The following NEDD4 variants were observed in gnomAD, a reference collection of about 807,000 sequenced individuals.
NEDD4 encodes the protein E3 ubiquitin-protein ligase NEDD4.
NEDD4 carries 99 observed loss-of-function variants against 144.9 expected under a neutral mutation model. The observed-to-expected ratio is 0.68, with a 90% CI of 0.58 to 0.81. The LOEUF (loss-of-function observed/expected upper bound fraction) is 0.81. Among genes scored for constraint, NEDD4 ranks in the 30% least tolerant of loss-of-function variants. The probability of loss-of-function intolerance (pLI) is 0.00; values close to 1 mark genes in which losing one functional copy is unlikely to be tolerated. For missense variants in NEDD4, 985 were observed against 1,065.9 expected, an observed-to-expected ratio of 0.92 and a Z score of 1.06; for synonymous variants, 318 against 350.6, an observed-to-expected ratio of 0.91 and a Z score of 1.04.
chr15:55,929,379 G>A (rs556127835), intron 4 of NEDD4, among the ~76,000 whole-genome samples: 17 of 152,068 alleles, frequency 1.1e-4, no homozygotes, highest in South Asian at 4.1e-4. Context: ...GTACAAGTTG[G>A]TTCTATAGAT....
chr15:55,851,993 T>C (rs1459101359), intron 13 of NEDD4, among the ~76,000 whole-genome samples: 3 of 151,940 alleles, frequency 2.0e-5, no homozygotes, highest in Non-Finnish European at 4.4e-5. Flanking sequence ...TGTCAGAATA[T>C]AAATAATTAG....
At chr15:55,836,982 G>T (rs1018832749) in intron 24 of NEDD4, among the ~76,000 whole-genome samples, 8 of 152,132 alleles carry the variant, frequency 5.3e-5, no homozygotes, top group Admixed American at 1.3e-4. Context: ...ACAGAAGATT[G>T]TAAGTTAGCT....
intron 28 of NEDD4, 48 bp from the exon 29 acceptor site, chr15:55,830,047 G>A: frequency 7.6e-7 from 1 of 1,308,382 alleles, no homozygotes; most frequent in Non-Finnish European, 1.1e-6. Context: ...GACAAAGCAA[G>A]TACCACCACA....
At chr15:55,840,326 C>T (rs1319003521) in intron 21 of NEDD4, 121 bp downstream of exon 21, 4 of 898,068 alleles carry the variant, frequency 4.5e-6, no homozygotes, top group Non-Finnish European at 6.5e-6. Context: ...GGAAAAAGTT[C>T]ATTTGTATTT....
At chr15:55,845,798 C>CT (rs11449030) in intron 18 of NEDD4, among the ~76,000 whole-genome samples, 71,552 of 143,002 alleles carry the variant, frequency 0.5, 18,010 homozygotes, top group Non-Finnish European at 0.52. Flanking sequence ...TTTCTTTTTT[C>CT]TTTTTTTTTT....
chr15:55,906,591 T>C (rs531739729), intron 5 of NEDD4, among the ~76,000 whole-genome samples: 86 of 149,862 alleles, frequency 5.7e-4, no homozygotes, highest in African/African-American at 2.1e-3. Flanking sequence ...ATGAGAACAC[T>C]TGGACACAAG....
At chr15:55,953,448 GT>G (rs1315261141) in intron 2 of NEDD4, among the ~76,000 whole-genome samples, 47 of 141,144 alleles carry the variant, frequency 3.3e-4, no homozygotes, top group African/African-American at 7.5e-4. Flanking sequence ...CTTCTTTTTT[GT>G]TTTTTTTTTT....
intron 7 of NEDD4, among the ~76,000 whole-genome samples, chr15:55,870,790 C>A (rs2142061403): frequency 6.6e-6 from 1 of 152,208 alleles, no homozygotes; most frequent in South Asian, 2.1e-4. Context: ...CCACCTAAGC[C>A]TCCCAAAGTG....
intron 8 of NEDD4, among the ~76,000 whole-genome samples, 179 bp from the exon 9 acceptor site, chr15:55,863,258 C>T (rs1159585001): frequency 6.6e-6 from 1 of 152,064 alleles, no homozygotes; most frequent in Non-Finnish European, 1.5e-5. Flanking sequence ...ATAATGAAGA[C>T]TCTTTTTGCA....
At chr15:55,908,657 A>G (rs528813993) in intron 5 of NEDD4, among the ~76,000 whole-genome samples, 1 of 152,334 alleles carries the variant, frequency 6.6e-6, no homozygotes, top group South Asian at 2.1e-4. Flanking sequence ...TAAGATCGCC[A>G]TGTTATTTAC....
At chr15:55,856,660 C>T (rs1210215967) in intron 11 of NEDD4, among the ~76,000 whole-genome samples, 1 of 152,162 alleles carries the variant, frequency 6.6e-6, no homozygotes, top group African/African-American at 2.4e-5. Context: ...CCTTCTGGAG[C>T]TGAAGTCAAT....
At chr15:55,991,450 T>C (rs73420376) in intron 1 of NEDD4, among the ~76,000 whole-genome samples, 15,666 of 152,278 alleles carry the variant, frequency 0.1, 981 homozygotes, top group African/African-American at 0.17. Flanking sequence ...CTGTCTTTTT[T>C]CCCTCTCTAT....
chr15:55,924,088 T>C (rs1174611353), intron 5 of NEDD4, among the ~76,000 whole-genome samples: 1 of 152,226 alleles, frequency 6.6e-6, no homozygotes, highest in Non-Finnish European at 1.5e-5. Context: ...ACAATCATTT[T>C]ATAAAAAGAA....
rs2037801766 is a variant in NEDD4 at position 55,981,389 on chromosome 15, A to C, written c.45+12122T>G. Among the ~76,000 whole-genome samples the C allele has an allele frequency of 2.6e-5, 4 of 152,012 alleles. No homozygotes were observed. In the South Asian group the frequency reaches 8.3e-4, roughly 32 times the overall value. The stretch of plus-strand genomic sequence containing the variant: ...CTCCTTTTTTTTTCTTTTGAGCAAC[A>C]TGCTACATCACTTACGGTGACCGTA... On this transcript the variant is annotated intron_variant, in intron 1 of 28. Transcript: ENST00000435532.
intron 24 of NEDD4, among the ~76,000 whole-genome samples, chr15:55,837,179 C>T (rs532988337): frequency 6.6e-6 from 1 of 152,148 alleles, no homozygotes; most frequent in East Asian, 1.9e-4. Context: ...CTGGTAACCC[C>T]AGCACTTTGG....
intron 18 of NEDD4, among the ~76,000 whole-genome samples, chr15:55,842,741 A>T (rs1250183316): frequency 6.6e-6 from 1 of 152,190 alleles, no homozygotes; most frequent in Non-Finnish European, 1.5e-5. Context: ...AGTCCTTTTC[A>T]TATTAAGTTC....
At chr15:55,899,671 A>T (rs371247022) in intron 5 of NEDD4, among the ~76,000 whole-genome samples, 9 of 152,214 alleles carry the variant, frequency 5.9e-5, no homozygotes. Context: ...TCATTGTGAA[A>T]GTACAGGGGT....
At chr15:55,919,036 A>C (rs185381372) in intron 5 of NEDD4, among the ~76,000 whole-genome samples, 2 of 152,310 alleles carry the variant, frequency 1.3e-5, no homozygotes, top group East Asian at 3.9e-4. Context: ...TAACATATAA[A>C]ATAATGAACT....
chr15:55,976,860 C>T (rs2037709353), intron 1 of NEDD4, among the ~76,000 whole-genome samples: 1 of 152,078 alleles, frequency 6.6e-6, no homozygotes, highest in Non-Finnish European at 1.5e-5. Flanking sequence ...GTCTCGATCT[C>T]CTGACCTCCT....
Sources: gnomAD v4.1 joint callset for allele counts (sites outside exome capture counted in the v4.1 genomes callset) on GRCh38, gnomAD v4.1.1 for gene constraint, MANE v1.5 for transcripts, NCBI Gene and HGNC (gene_info 2026-07-23, HGNC 2026-07-21) for gene names.